The following KCNA2 variants were observed in gnomAD, a reference collection of about 807,000 sequenced individuals.
KCNA2 encodes the protein potassium voltage-gated channel subfamily A member 2.
KCNA2 carries 11 observed loss-of-function variants against 33.4 expected under a neutral mutation model. That is an observed-to-expected ratio of 0.33 (90% CI 0.21 to 0.55). KCNA2 has a LOEUF of 0.55. Ranked by LOEUF, KCNA2 falls within the 20% of genes least tolerant of loss-of-function variation. KCNA2 has a pLI of 0.93. For missense variants in KCNA2, 291 were observed against 621.6 expected, an observed-to-expected ratio of 0.47 and a Z score of 5.66; for synonymous variants, 222 against 231.3, an observed-to-expected ratio of 0.96 and a Z score of 0.37.
rs1190384664 is a variant in KCNA2 at position 110,601,776 on chromosome 1, GA to G, written c.*1506del. On this transcript the variant is annotated 3_prime_UTR_variant, in exon 3 of 3. Transcript: ENST00000316361. ...CTCCTGAACCTGAACTCCAGAAAATGAATATATATATATATATATGTGTGTG... is the reference window on the plus strand; with the variant it reads ...CTCCTGAACCTGAACTCCAGAAAATGATATATATATATATATATGTGTGTG... 2.7e-6 allele frequency: 3 copies of G among 1,117,640 alleles called. No individual in the cohort carries two copies. Among genetic ancestry groups the G allele is most frequent in the Non-Finnish European group, 3.3e-6 (3 of 921,346 alleles). The allele number at this position is 1,117,640 out of a possible 1,614,324, so 69.2% of individuals were successfully genotyped here.
chr1:110,615,072 T>C (rs969756181), intron 1 of KCNA2, among the ~76,000 whole-genome samples: 2 of 152,202 alleles, frequency 1.3e-5, no homozygotes, highest in African/African-American at 4.8e-5. Context: ...CAGGGAATCT[T>C]TGACTCTGAG....
Position 110,600,214 on chromosome 1 carries a change from G to A in KCNA2, c.*3069C>T, listed in dbSNP as rs1227614489. Reference sequence around the variant, plus strand: ...TGTCTGCATTTCATGTGTATTGTGCGATATTTTTGGGCATGTGTGCTATGT... The same window carrying A: ...TGTCTGCATTTCATGTGTATTGTGCAATATTTTTGGGCATGTGTGCTATGT... On this transcript the variant is annotated 3_prime_UTR_variant, in exon 3 of 3. Transcript: ENST00000316361. 2 of 981,778 alleles carry A rather than the reference G, an allele frequency of 2.0e-6. No individual in the cohort carries two copies. Among genetic ancestry groups the A allele is most frequent in the African/African-American group, 1.8e-5 (1 of 55,804 alleles). 60.8% of individuals were successfully genotyped at this position (981,778 alleles called of 1,614,324 possible). A position where few individuals can be genotyped will look rare whatever the true frequency, so the allele number is the denominator to read the frequency against.
At chr1:110,630,009 CTTTTTTTTT>C (rs372364243) in intron 1 of KCNA2, among the ~76,000 whole-genome samples, 15 of 115,196 alleles carry the variant, frequency 1.3e-4, no homozygotes, top group Non-Finnish European at 1.7e-4. Flanking sequence ...GTGCTCTGTA[CTTTTTTTTT>C]TTTTTTTTTT....
chr1:110,614,291 T>A (rs2101440259), intron 1 of KCNA2, among the ~76,000 whole-genome samples: 1 of 152,334 alleles, frequency 6.6e-6, no homozygotes, highest in South Asian at 2.1e-4. Flanking sequence ...GGGCCATGTA[T>A]CAAAGTCTCC....
chr1:110,601,386 A>G lies in KCNA2; in HGVS notation c.*1897T>C, dbSNP rs1289181337. 2.0e-6 allele frequency: 2 copies of G among 985,230 alleles called. No individual in the cohort carries two copies. Among genetic ancestry groups the G allele is most frequent in the Non-Finnish European group, 2.4e-6 (2 of 829,898 alleles). The allele number at this position is 985,230 out of a possible 1,614,324, so 61.0% of individuals were successfully genotyped here. A position where few individuals can be genotyped will look rare whatever the true frequency, so the allele number is the denominator to read the frequency against. The stretch of plus-strand genomic sequence containing the variant: ...GGGGATCCATTCTGGCTCTTTAGCG[A>G]AAGGTTTGTGAAAGTGACGGATGCA... On this transcript the variant is annotated 3_prime_UTR_variant, in exon 3 of 3. Coordinates refer to ENST00000316361, the MANE Select transcript of KCNA2 (RefSeq NM_004974.4).
chr1:110,628,281 G>T (rs1177004259), intron 1 of KCNA2, among the ~76,000 whole-genome samples: 2 of 152,166 alleles, frequency 1.3e-5, no homozygotes, highest in African/African-American at 2.4e-5. Flanking sequence ...TTGATCCATG[G>T]ACTTTATAAA....
At chr1:110,620,183 C>T (rs537595619) in intron 1 of KCNA2, among the ~76,000 whole-genome samples, 111 of 152,224 alleles carry the variant, frequency 7.3e-4, no homozygotes, top group African/African-American at 2.6e-3. Context: ...CTCACACATC[C>T]CGGCCTCTCC....
rs3050013 is a variant in KCNA2 at position 110,620,053 on chromosome 1, C to CGAGAGAGAGAGAGA, written c.-496+11328_-496+11341dup. On this transcript the variant is annotated intron_variant, in intron 1 of 4. Transcript: ENST00000369770. Reference sequence around the variant, plus strand: ...CTTAATGAGAGAGAGAGAGCGAGAGCGAGAGAGAGAGAGAGAGAGAGAGAG... The same window carrying CGAGAGAGAGAGAGA: ...CTTAATGAGAGAGAGAGAGCGAGAGCGAGAGAGAGAGAGAGAGAGAGAGAGAGAGAGAGAGAGAG... Among the ~76,000 whole-genome samples, 122 of 126,816 alleles carry CGAGAGAGAGAGAGA rather than the reference C, an allele frequency of 9.6e-4. 1 individual carries two copies. The highest frequency in any genetic ancestry group is 5.2e-3 in the East Asian group (22 of 4,216). The allele number at this position is 126,816 out of a possible 152,430, so 83.2% of individuals were successfully genotyped here. A position where few individuals can be genotyped will look rare whatever the true frequency, so the allele number is the denominator to read the frequency against.
chr1:110,603,586 C>G lies in KCNA2; in HGVS notation c.1197G>C (p.Val399=). 6.2e-7 allele frequency: 1 copy of G among 1,614,026 alleles called. No homozygotes were observed. The highest frequency in any genetic ancestry group is 1.1e-5 in the South Asian group (1 of 91,066). The stretch of plus-strand genomic sequence containing the variant: ...CAGGGACCGGTAAGGCAATAGTTAA[C>G]ACACCTGCAATCGCACATAGGGAAC... The part of the protein sequence containing the change: ...IVGSLCAIAG[V]LTIALPVPVI... Residue 399 remains valine (V), a synonymous_variant, in exon 3 of 3, where the codon GTG becomes GTC. Transcript: ENST00000316361. The surrounding 1 kb of genome is among the most constrained non-coding windows in gnomAD (Gnocchi z 5.7).
rs1649417867 is a variant in KCNA2, at chr1:110,602,812, C to T, written c.*471G>A. ...AACACACAGGACTGTGTGTTCTTTT[C>T]AATGCAAAAATGAGTATGACCTTTT... On this transcript the variant is annotated 3_prime_UTR_variant, in exon 3 of 3. Transcript: ENST00000316361. The T allele has an allele frequency of 2.0e-6, 2 of 997,022 alleles. No individual in the cohort carries two copies. The highest frequency in any genetic ancestry group is 3.5e-5 in the African/African-American group (2 of 57,382). 61.8% of individuals were successfully genotyped at this position (997,022 alleles called of 1,614,324 possible).
intron 1 of KCNA2, among the ~76,000 whole-genome samples, chr1:110,614,523 A>G (rs1649988208): frequency 6.6e-6 from 1 of 152,234 alleles, no homozygotes; most frequent in Admixed American, 6.5e-5. Context: ...ACAGAAAAAC[A>G]AGAAGCAAGT....
In KCNA2 at chr1:110,595,915, T is replaced by C; in HGVS notation, c.*7368A>G. 6 of 985,436 alleles carry C rather than the reference T, an allele frequency of 6.1e-6. No homozygotes were observed. Among genetic ancestry groups the C allele is most frequent in the Non-Finnish European group, 7.2e-6 (6 of 829,932 alleles). 61.0% of individuals were successfully genotyped at this position (985,436 alleles called of 1,614,324 possible). A position where few individuals can be genotyped will look rare whatever the true frequency, so the allele number is the denominator to read the frequency against. On this transcript the variant is annotated 3_prime_UTR_variant, in exon 3 of 3. Coordinates refer to ENST00000316361, the MANE Select transcript of KCNA2 (RefSeq NM_004974.4). ...AGAGAATGCTAAATAGATAAATCCT[T>C]TGCCAGGTCTTCAAGCTTTCCACTC...
In KCNA2 at chr1:110,598,375, CTG is replaced by C; in HGVS notation, c.*4906_*4907del. On this transcript the variant is annotated 3_prime_UTR_variant, in exon 3 of 3. Transcript: ENST00000316361. ...GCCACCTTCATATGCAATTTGCACACTGTTCTATAGTTTCCTTAGGGGGGAGT... is the reference window on the plus strand; with the variant it reads ...GCCACCTTCATATGCAATTTGCACACTTCTATAGTTTCCTTAGGGGGGAGT... 1 of 985,372 alleles carries C rather than the reference CTG, an allele frequency of 1.0e-6. No individual in the cohort carries two copies. The highest frequency in any genetic ancestry group is 1.2e-6 in the Non-Finnish European group (1 of 829,904). The allele number at this position is 985,372 out of a possible 1,614,324, so 61.0% of individuals were successfully genotyped here.
At chr1:110,630,017 T>C (rs1650508240) in intron 1 of KCNA2, among the ~76,000 whole-genome samples, 1 of 29,356 alleles carries the variant, frequency 3.4e-5, no homozygotes, top group African/African-American at 4.7e-5. Context: ...TACTTTTTTT[T>C]TTTTTTTTTT....
rs752985457 is a variant in KCNA2, at chr1:110,604,193, C to T, written c.590G>A (p.Gly197Asp). 22 of 1,614,060 alleles carry T rather than the reference C, an allele frequency of 1.4e-5. No individual in the cohort carries two copies. The highest frequency in any genetic ancestry group is 2.7e-5 in the African/African-American group (2 of 74,916). ...IFRDENEDMHGSGVTFHTYSN... is the reference protein window; with the variant it reads ...IFRDENEDMHDSGVTFHTYSN... ...ATAGGTGTGGAAGGTCACCCCACTA[C>T]CATGCATGTCTTCATTCTCATCCCG... is the stretch of plus-strand genomic sequence containing the variant. The change falls in exon 3 of 3, where the codon GGT (glycine) becomes GAT (aspartate). Residue 197 changes from glycine to aspartate, a missense_variant. Physicochemically the swap from Gly to Asp is moderately conservative, Grantham distance 94. This residue lies in a region of KCNA2 where 163 missense variants were observed against 273.5 expected (regional missense o/e 0.60). Transcript: ENST00000316361. This position sits in a 1 kb window ranked among gnomAD's most constrained non-coding sequence, Gnocchi z 7.6.
chr1:110,621,100 A>G (rs1277019296), intron 1 of KCNA2, among the ~76,000 whole-genome samples: 2 of 152,140 alleles, frequency 1.3e-5, no homozygotes, highest in South Asian at 2.1e-4. Context: ...TGGACAACCA[A>G]TCTCTGGGGA....
At position 110,598,094 on chromosome 1, in the gene KCNA2, G is replaced by A. The variant is rs374217840; in HGVS notation, c.*5189C>T. On this transcript the variant is annotated 3_prime_UTR_variant, in exon 3 of 3. Coordinates refer to ENST00000316361, the MANE Select transcript of KCNA2 (RefSeq NM_004974.4). ...CGCGTTGGCTCAGGTGACTGATGAT[G>A]TTAATGAGGTTAAGGTCATGAGTTC... The A allele has an allele frequency of 1.0e-5, 10 of 981,466 alleles. No homozygotes were observed. In the African/African-American group the frequency reaches 1.2e-4, roughly 12 times the overall value. The allele number at this position is 981,466 out of a possible 1,614,324, so 60.8% of individuals were successfully genotyped here.
In KCNA2 at chr1:110,601,712, A is replaced by G; in HGVS notation, c.*1571T>C. On this transcript the variant is annotated 3_prime_UTR_variant, in exon 3 of 3. Coordinates refer to ENST00000316361, the MANE Select transcript of KCNA2 (RefSeq NM_004974.4). ...TACCAATGAGACAAATTAACCCATT[A>G]GGCCTCTTAGACAGCCAACCCACCA... 8.8e-7 allele frequency: 1 copy of G among 1,141,758 alleles called. No individual in the cohort carries two copies. The highest frequency in any genetic ancestry group is 1.1e-6 in the Non-Finnish European group (1 of 932,936). The allele number at this position is 1,141,758 out of a possible 1,614,324, so 70.7% of individuals were successfully genotyped here.
At chr1:110,625,589 A>T (rs1216963939) in intron 1 of KCNA2, among the ~76,000 whole-genome samples, 5 of 152,240 alleles carry the variant, frequency 3.3e-5, no homozygotes, top group African/African-American at 1.2e-4. Context: ...AAAACAAAAA[A>T]TTGATAAATT....
Sources: allele counts gnomAD v4.1 joint callset (sites outside exome capture counted in the v4.1 genomes callset), GRCh38; gene constraint gnomAD v4.1.1; regional missense constraint gnomAD v4.1.1; non-coding constraint Gnocchi (gnomAD v3.1); transcripts MANE v1.5; gene names NCBI Gene and HGNC (gene_info 2026-07-23, HGNC 2026-07-21).